ANK3: variants seen among roughly 807,000 people sequenced by gnomAD.
ANK3 encodes the protein ankyrin 3.
Under a neutral mutation model 370.9 loss-of-function variants are expected in ANK3, and 57 were observed. That is an observed-to-expected ratio of 0.15 (90% confidence interval 0.12 to 0.19). ANK3 has a LOEUF of 0.19. Ranked by LOEUF, ANK3 falls within the 10% of genes least tolerant of loss-of-function variation. The pLI is 1.00. For synonymous variants in ANK3, 1,929 were observed against 1,946.3 expected (o/e 0.99, Z 0.23); for missense variants, 4,439 against 5,302.1 (o/e 0.84, Z 5.06).
chr10:60,542,955 T>C (rs1292532675), intron 2 of ANK3, among the ~76,000 whole-genome samples: 1 of 152,026 alleles, frequency 6.6e-6, no homozygotes, highest in Non-Finnish European at 1.5e-5. Context: ...CAGCTTGTCC[T>C]TAGTATGGTT....
chr10:60,040,267 C>G (rs2075849176), intron 43 of ANK3, among the ~76,000 whole-genome samples: 1 of 151,496 alleles, frequency 6.6e-6, no homozygotes, highest in African/African-American at 2.4e-5. Flanking sequence ...TCATATTTGG[C>G]AGCATTCTAC....
intron 1 of ANK3, among the ~76,000 whole-genome samples, chr10:60,697,485 G>A (rs1435323755): frequency 1.3e-5 from 2 of 150,512 alleles, no homozygotes; most frequent in South Asian, 2.1e-4. Flanking sequence ...GAGGCATCAC[G>A]CTACCTGACT....
chr10:60,233,040 G>C (rs1472504971), intron 8 of ANK3, among the ~76,000 whole-genome samples: 1 of 152,170 alleles, frequency 6.6e-6, no homozygotes, highest in Non-Finnish European at 1.5e-5. Flanking sequence ...TGTTTGTCGT[G>C]AGACCATCTT....
At chr10:60,203,984 CA>C (rs1211827369) in intron 11 of ANK3, among the ~76,000 whole-genome samples, 4 of 152,110 alleles carry the variant, frequency 2.6e-5, no homozygotes, top group African/African-American at 7.2e-5. Flanking sequence ...CTTGATAAAA[CA>C]TTTTTTTTAG....
intron 42 of ANK3, among the ~76,000 whole-genome samples, chr10:60,048,972 T>A (rs1185726155): frequency 6.6e-6 from 1 of 152,236 alleles, no homozygotes; most frequent in Non-Finnish European, 1.5e-5. Flanking sequence ...ATTCACCATA[T>A]ACTATTATAG....
At chr10:60,666,748 G>A (rs1414259174) in intron 1 of ANK3, among the ~76,000 whole-genome samples, 1 of 152,122 alleles carries the variant, frequency 6.6e-6, no homozygotes, top group Non-Finnish European at 1.5e-5. Flanking sequence ...CTCATTCACT[G>A]AATTCCAGTG....
intron 2 of ANK3, among the ~76,000 whole-genome samples, chr10:60,438,834 G>A (rs1425697817): frequency 3.3e-5 from 5 of 152,318 alleles, no homozygotes; most frequent in Middle Eastern, 6.8e-3. Context: ...AAGAGCAGAT[G>A]AGCTGATCCT....
At chr10:60,258,181 G>C (rs144945935) in intron 7 of ANK3, among the ~76,000 whole-genome samples, 1 of 152,202 alleles carries the variant, frequency 6.6e-6, no homozygotes, top group Non-Finnish European at 1.5e-5. Context: ...TTTGCAAAGA[G>C]AGCAAGGGTC....
intron 1 of ANK3, among the ~76,000 whole-genome samples, chr10:60,695,791 A>G (rs1564572336): frequency 6.6e-6 from 1 of 152,240 alleles, no homozygotes; most frequent in Non-Finnish European, 1.5e-5. Context: ...TGCCCATAGG[A>G]GAAAGCAGGA....
intron 23 of ANK3, among the ~76,000 whole-genome samples, chr10:60,155,575 C>T (rs887332367): frequency 1.3e-5 from 2 of 152,164 alleles, no homozygotes; most frequent in South Asian, 4.1e-4. Context: ...TATTGAATGT[C>T]AATTCGATTG....
intron 1 of ANK3, among the ~76,000 whole-genome samples, chr10:60,377,375 G>C (rs2060926749): frequency 6.6e-6 from 1 of 152,212 alleles, no homozygotes; most frequent in South Asian, 2.1e-4. Flanking sequence ...GACAAATGTT[G>C]CTTCCCTAGA....
intron 23 of ANK3, among the ~76,000 whole-genome samples, chr10:60,160,672 A>G (rs2095475798): frequency 1.3e-5 from 2 of 152,160 alleles, no homozygotes; most frequent in South Asian, 4.1e-4. Flanking sequence ...CAAACCATAT[A>G]TAACAACATA....
chr10:60,086,709 G>A lies in ANK3; in HGVS notation c.3716C>T (p.Thr1239Ile), dbSNP rs1221100763. The A allele has an allele frequency of 1.9e-6, 3 of 1,614,004 alleles. No individual in the cohort carries two copies. Among genetic ancestry groups the A allele is most frequent in the Non-Finnish European group, 1.7e-6 (2 of 1,179,932 alleles). ...GCTACAGAGAAGACGCAGATTGGGTGTAGTGTCCCCTTTGTATCCATTGGA... is the reference window on the plus strand; with the variant it reads ...GCTACAGAGAAGACGCAGATTGGGTATAGTGTCCCCTTTGTATCCATTGGA... Reference protein sequence around the residue: ...GVSNGYKGDTTPNLRLLCSIT... With the variant: ...GVSNGYKGDTIPNLRLLCSIT... The change falls in exon 30 of 44, where the codon ACA becomes ATA. Residue 1239 changes from threonine (T) to isoleucine (I), a missense_variant. By Grantham distance (89) the Thr-to-Ile change is moderately conservative. Coordinates refer to ENST00000280772, the MANE Select transcript of ANK3 (RefSeq NM_020987.5).
intron 18 of ANK3, among the ~76,000 whole-genome samples, chr10:60,175,326 G>T (rs1021709071): frequency 2.0e-5 from 3 of 152,206 alleles, no homozygotes; most frequent in African/African-American, 4.8e-5. Flanking sequence ...ATTCATCGGG[G>T]TTAACAGCAT....
chr10:60,349,237 T>C (rs2056377875), intron 1 of ANK3, among the ~76,000 whole-genome samples: 1 of 152,326 alleles, frequency 6.6e-6, no homozygotes, highest in South Asian at 2.1e-4. Context: ...TGTGATCCCA[T>C]GAATTCAACC....
In ANK3 at chr10:60,073,488, C is replaced by T. The variant is rs2083170417; in HGVS notation, c.7393G>A (p.Glu2465Lys). The T allele has an allele frequency of 1.2e-6, 2 of 1,614,042 alleles. No individual in the cohort carries two copies. Among genetic ancestry groups the T allele is most frequent in the Non-Finnish European group, 1.7e-6 (2 of 1,179,994 alleles). The change falls in exon 37 of 44, where the codon GAG becomes AAG. Residue 2465 changes from glutamate to lysine, a missense_variant. Physicochemically the swap from Glu to Lys is moderately conservative, Grantham distance 56. Transcript: ENST00000280772. ...AGCTTTTCTGACAGAAGCATTTTCTCAGCAAACCTGTAAGACTCCCCTCTT... is the reference window on the plus strand; with the variant it reads ...AGCTTTTCTGACAGAAGCATTTTCTTAGCAAACCTGTAAGACTCCCCTCTT... Reference protein sequence around the residue: ...ELRGESYRFAEKMLLSEKLDV... With the variant: ...ELRGESYRFAKKMLLSEKLDV...
At chr10:60,317,513 A>G (rs534084108) in intron 1 of ANK3, among the ~76,000 whole-genome samples, 202 of 152,172 alleles carry the variant, frequency 1.3e-3, no homozygotes, top group African/African-American at 4.7e-3. Context: ...ACCTTCTATT[A>G]CATCTCATAA....
chr10:60,331,184 G>A (rs2051186470), intron 1 of ANK3, among the ~76,000 whole-genome samples: 1 of 152,040 alleles, frequency 6.6e-6, no homozygotes, highest in Admixed American at 6.6e-5. Context: ...GTTGATGGGT[G>A]CAGCAAACCA....
intron 2 of ANK3, among the ~76,000 whole-genome samples, chr10:60,489,767 A>G (rs577208603): frequency 6.6e-6 from 1 of 152,320 alleles, no homozygotes; most frequent in Admixed American, 6.5e-5. Flanking sequence ...GTGCATGCAA[A>G]TAAAGAACCA....
Sources: allele counts gnomAD v4.1 joint callset (sites outside exome capture counted in the v4.1 genomes callset), GRCh38; gene constraint gnomAD v4.1.1; transcripts MANE v1.5; gene names NCBI Gene and HGNC (gene_info 2026-07-23, HGNC 2026-07-21).